The following DOCK7 variants were observed in gnomAD, a reference collection of about 807,000 sequenced individuals.
DOCK7 encodes the protein dedicator of cytokinesis 7.
In DOCK7, 138 loss-of-function variants were observed where a neutral mutation model predicts 271.0. That is an observed-to-expected ratio of 0.51 (90% CI 0.44 to 0.59). The LOEUF is 0.59. DOCK7 is among the 20% of genes least tolerant of loss of function. DOCK7 has a pLI of 0.00. For synonymous variants in DOCK7, 823 were observed against 876.1 expected, an observed-to-expected ratio of 0.94 and a Z score of 1.07; for missense variants, 2,066 against 2,592.4, an observed-to-expected ratio of 0.80 and a Z score of 4.41.
At chr1:62,479,997 G>C (rs1380919453) in intron 43 of DOCK7, among the ~76,000 whole-genome samples, 1 of 152,132 alleles carries the variant, frequency 6.6e-6, no homozygotes, top group East Asian at 1.9e-4. Flanking sequence ...TGCTACTCTG[G>C]CTGTCCTCCT....
chr1:62,654,217 T>C, intron 2 of DOCK7, 58 bp from the exon 3 acceptor site: 1 of 1,472,346 alleles, frequency 6.8e-7, no homozygotes, highest in South Asian at 1.3e-5. Context: ...TGTAATAATT[T>C]TAAAACTTAA....
At chr1:62,583,492 T>C (rs1647201224) in intron 15 of DOCK7, among the ~76,000 whole-genome samples, 1 of 152,228 alleles carries the variant, frequency 6.6e-6, no homozygotes, top group African/African-American at 2.4e-5. Flanking sequence ...CAATTTTATT[T>C]ATATCTACTG....
At chr1:62,481,910 CCTTT>C (rs1646138321) in intron 43 of DOCK7, 1 of 152,194 alleles carries the variant, frequency 6.6e-6, no homozygotes, top group African/African-American at 2.4e-5. Context: ...CACAATGCTT[CCTTT>C]AAGTTAACTG....
intron 41 of DOCK7, among the ~76,000 whole-genome samples, chr1:62,491,851 AC>A (rs1646476017): frequency 6.6e-6 from 1 of 152,208 alleles, no homozygotes; most frequent in Non-Finnish European, 1.5e-5. Context: ...TTTGGCAGTA[AC>A]AGTTTTATTA....
At chr1:62,576,477 CAGTG>C (rs1251350811) in intron 18 of DOCK7, among the ~76,000 whole-genome samples, 1 of 152,092 alleles carries the variant, frequency 6.6e-6, no homozygotes, top group Admixed American at 6.5e-5. Context: ...TGACAGAGAA[CAGTG>C]AGAAATAAGA....
intron 15 of DOCK7, among the ~76,000 whole-genome samples, chr1:62,583,572 A>G (rs1387190407): frequency 6.6e-6 from 1 of 152,206 alleles, no homozygotes; most frequent in African/African-American, 2.4e-5. Flanking sequence ...CAGATGTAGC[A>G]TATTATTTGG....
chr1:62,566,965 A>C (rs959294383), intron 18 of DOCK7, among the ~76,000 whole-genome samples: 1 of 152,214 alleles, frequency 6.6e-6, no homozygotes, highest in Non-Finnish European at 1.5e-5. Flanking sequence ...TCACTGATCA[A>C]TAGAGAAATG....
In DOCK7 at chr1:62,475,915, G is replaced by GCATA; in HGVS notation, c.5752_5753insTATG (p.Pro1918LeufsTer5). ...CTTCATCTCATATGTGTCAAAGTAT[G>GCATA]GCTCCACATAGGTAATCTGAATATA... On this transcript the variant is annotated frameshift_variant, in exon 46 of 50. Transcript: ENST00000635253. LOFTEE classifies it high-confidence loss of function. 1 of 1,613,842 alleles carries GCATA rather than the reference G, an allele frequency of 6.2e-7. No homozygotes were observed. Among genetic ancestry groups the GCATA allele is most frequent in the Non-Finnish European group, 8.5e-7 (1 of 1,179,878 alleles).
intron 39 of DOCK7, 105 bp from the exon 40 acceptor site, chr1:62,494,572 C>T: frequency 3.1e-6 from 3 of 976,948 alleles, no homozygotes; most frequent in Non-Finnish European, 4.4e-6. Flanking sequence ...TGATACTGTG[C>T]ACAACCTACT....
intron 2 of DOCK7, among the ~76,000 whole-genome samples, chr1:62,656,381 G>T (rs1177489519): frequency 6.6e-6 from 1 of 152,050 alleles, no homozygotes; most frequent in Non-Finnish European, 1.5e-5. Flanking sequence ...CACACTAAGA[G>T]AAAGTATTTA....
intron 4 of DOCK7, among the ~76,000 whole-genome samples, chr1:62,650,619 C>G (rs1657220334): frequency 6.6e-6 from 1 of 152,140 alleles, no homozygotes; most frequent in East Asian, 1.9e-4. Context: ...ACAACCCTAT[C>G]AAAAAGTGGG....
intron 48 of DOCK7, among the ~76,000 whole-genome samples, chr1:62,466,631 C>T (rs1431460039): frequency 6.6e-6 from 1 of 152,066 alleles, no homozygotes; most frequent in Non-Finnish European, 1.5e-5. Flanking sequence ...TCTACTTGCC[C>T]CCGTAAAAAC....
chr1:62,562,201 A>C (rs1251203584), intron 18 of DOCK7, among the ~76,000 whole-genome samples: 1 of 147,894 alleles, frequency 6.8e-6, no homozygotes, highest in Non-Finnish European at 1.5e-5. Context: ...AATATTTGCA[A>C]GCAAAAGCCT....
chr1:62,558,918 T>A, intron 20 of DOCK7, 71 bp downstream of exon 20: 2 of 1,290,440 alleles, frequency 1.5e-6, no homozygotes, highest in Non-Finnish European at 2.2e-6. Context: ...ATCATGTTTT[T>A]TTTTTTTAAC....
chr1:62,604,604 C>T (rs764079640), intron 14 of DOCK7: 2 of 1,600,834 alleles, frequency 1.2e-6, no homozygotes, highest in Non-Finnish European at 8.6e-7. Flanking sequence ...GAGTCTGTAC[C>T]CATTAAATTG....
chr1:62,556,460 A>G (rs1646144367), intron 20 of DOCK7, among the ~76,000 whole-genome samples: 1 of 151,920 alleles, frequency 6.6e-6, no homozygotes, highest in African/African-American at 2.4e-5. Context: ...TAACAGTATA[A>G]TAAGAAAATA....
At chr1:62,578,990 T>C (rs1414691304) in intron 16 of DOCK7, 24 bp from the exon 17 acceptor site, 3 of 1,290,316 alleles carry the variant, frequency 2.3e-6, no homozygotes, top group Non-Finnish European at 3.2e-6. Context: ...AAAAAAAAAA[T>C]CAACAGTCAG....
At chr1:62,485,815 A>C in intron 43 of DOCK7, 6 of 640,934 alleles carry the variant, frequency 9.4e-6, no homozygotes, top group Non-Finnish European at 1.2e-5. Context: ...TTTAAGTTTT[A>C]CAAAGGAAAA....
chr1:62,503,239 A>T (rs78528969), intron 37 of DOCK7, among the ~76,000 whole-genome samples: 1 of 65,506 alleles, frequency 1.5e-5, no homozygotes, highest in Non-Finnish European at 3.3e-5. Flanking sequence ...TAATGTAATT[A>T]ATAAGGTGTA....
Sources: allele counts gnomAD v4.1 joint callset (sites outside exome capture counted in the v4.1 genomes callset), GRCh38; gene constraint gnomAD v4.1.1; transcripts MANE v1.5; gene names NCBI Gene and HGNC (gene_info 2026-07-23, HGNC 2026-07-21).